The following GSE1 variants were observed in gnomAD, a reference collection of about 807,000 sequenced individuals.
The protein encoded by GSE1 is Gse1 coiled-coil protein, also known as genetic suppressor element 1.
A neutral mutation model predicts 112.6 loss-of-function variants in GSE1; 32 were observed. The ratio of observed to expected loss-of-function variants is 0.28; its 90% CI spans 0.21 to 0.38. GSE1 has a LOEUF of 0.38. Ranked by LOEUF, GSE1 falls within the 10% of genes least tolerant of loss-of-function variation. The probability of loss-of-function intolerance (pLI) is 1.00; values close to 1 mark genes in which losing one functional copy is unlikely to be tolerated. For missense variants in GSE1, 2,348 were observed against 1,699.2 expected, an observed-to-expected ratio of 1.38 and a Z score of -6.71; for synonymous variants, 1,115 against 735.6, an observed-to-expected ratio of 1.52 and a Z score of -8.35.
chr16:85,498,949 G>A (rs546012935), intron 2 of GSE1, among the ~76,000 whole-genome samples: 1 of 152,376 alleles, frequency 6.6e-6, no homozygotes, highest in African/African-American at 2.4e-5. Context: ...GAGAGAAGAT[G>A]CCAGCTCCAG....
At chr16:85,294,931 T>A (rs1030127347) in intron 1 of GSE1, among the ~76,000 whole-genome samples, 1 of 152,042 alleles carries the variant, frequency 6.6e-6, no homozygotes, top group Non-Finnish European at 1.5e-5. Context: ...TTTACATTTT[T>A]GCAGAGACGG....
intron 2 of GSE1, among the ~76,000 whole-genome samples, chr16:85,460,436 G>A (rs1003375816): frequency 2.0e-5 from 3 of 152,220 alleles, no homozygotes; most frequent in African/African-American, 7.2e-5. Context: ...GACGCTGGAC[G>A]ATTTGGCCTT....
intron 2 of GSE1, among the ~76,000 whole-genome samples, chr16:85,639,427 G>GA (rs2050261242): frequency 6.6e-6 from 1 of 152,204 alleles, no homozygotes; most frequent in South Asian, 2.1e-4. Context: ...AGACTGGGGG[G>GA]ATGGGTCCCA....
intron 1 of GSE1, among the ~76,000 whole-genome samples, chr16:85,621,580 G>A (rs2048746262): frequency 6.6e-6 from 1 of 152,194 alleles, no homozygotes; most frequent in South Asian, 2.1e-4. Flanking sequence ...TGTCACCTGG[G>A]CACAGGGAGG....
At chr16:85,191,654 C>T (rs994096858) in intron 1 of GSE1, among the ~76,000 whole-genome samples, 1 of 152,184 alleles carries the variant, frequency 6.6e-6, no homozygotes. Flanking sequence ...TCACTTCACG[C>T]CCCGGCATGA....
intron 2 of GSE1, among the ~76,000 whole-genome samples, chr16:85,531,620 C>G: frequency 6.6e-6 from 1 of 152,196 alleles, no homozygotes; most frequent in Non-Finnish European, 1.5e-5. Context: ...CCCCCTTCCG[C>G]CCTGCCCCGG....
chr16:85,302,776 T>TCTTGGC (rs1233481880), intron 1 of GSE1, among the ~76,000 whole-genome samples: 1 of 152,156 alleles, frequency 6.6e-6, no homozygotes, highest in African/African-American at 2.4e-5. Context: ...GGAGGTCAAT[T>TCTTGGC]CTTGGCCTTG....
intron 2 of GSE1, among the ~76,000 whole-genome samples, chr16:85,423,931 C>A (rs1179800856): frequency 1.3e-5 from 2 of 152,164 alleles, no homozygotes; most frequent in Non-Finnish European, 2.9e-5. Context: ...AGTACCTGCA[C>A]CCCACCTGAA....
intron 1 of GSE1, among the ~76,000 whole-genome samples, chr16:85,284,665 C>T (rs1002371072): frequency 6.6e-5 from 10 of 152,130 alleles, no homozygotes; most frequent in African/African-American, 1.7e-4. Context: ...CTGGGAGAGT[C>T]GTGGTCCACA....
intron 1 of GSE1, among the ~76,000 whole-genome samples, chr16:85,573,942 A>G (rs1215329462): frequency 6.6e-6 from 1 of 152,202 alleles, no homozygotes; most frequent in Non-Finnish European, 1.5e-5. Context: ...TTGTGTGGGA[A>G]TTTCAGGAGA....
chr16:85,173,122 A>G (rs2074391097), intron 1 of GSE1, among the ~76,000 whole-genome samples: 1 of 152,208 alleles, frequency 6.6e-6, no homozygotes, highest in Non-Finnish European at 1.5e-5. Flanking sequence ...GAAGAGCTGC[A>G]GTTCCCAAAA....
chr16:85,666,493 T>A, intron 13 of GSE1, 146 bp downstream of exon 13: 1 of 739,594 alleles, frequency 1.4e-6, no homozygotes. Context: ...TTCGTTATTA[T>A]GCCAAAACCA....
At chr16:85,249,234 C>T (rs1013681117) in intron 1 of GSE1, among the ~76,000 whole-genome samples, 1 of 152,250 alleles carries the variant, frequency 6.6e-6, no homozygotes, top group Non-Finnish European at 1.5e-5. Flanking sequence ...TATACCCAGC[C>T]AGCAGGAATG....
chr16:85,439,955 C>G (rs2049338387), intron 2 of GSE1, among the ~76,000 whole-genome samples: 2 of 152,260 alleles, frequency 1.3e-5, no homozygotes, highest in South Asian at 4.1e-4. Flanking sequence ...CTCAGGTACA[C>G]AGACACACAT....
intron 2 of GSE1, among the ~76,000 whole-genome samples, chr16:85,409,378 CT>C (rs1249438945): frequency 2.8e-4 from 10 of 36,282 alleles, no homozygotes; most frequent in African/African-American, 3.7e-4. Context: ...CTCAGGCCCC[CT>C]GGATAATCCT....
intron 1 of GSE1, among the ~76,000 whole-genome samples, chr16:85,322,572 C>G (rs1046049724): frequency 6.6e-6 from 1 of 151,340 alleles, no homozygotes; most frequent in African/African-American, 2.4e-5. Context: ...GTTCCCAGCC[C>G]TCTTGGGTGA....
chr16:85,384,354 A>G (rs370820830), intron 2 of GSE1, among the ~76,000 whole-genome samples: 8 of 152,186 alleles, frequency 5.3e-5, no homozygotes, highest in African/African-American at 1.9e-4. Context: ...AGATGGGCCA[A>G]GGGCTCCACT....
intron 1 of GSE1, among the ~76,000 whole-genome samples, chr16:85,629,028 G>A (rs188864770): frequency 8.7e-4 from 133 of 152,236 alleles, no homozygotes; most frequent in African/African-American, 2.9e-3. Flanking sequence ...GCACGCTCTC[G>A]CAAGATCTGG....
At chr16:85,413,378 G>A (rs2048628591) in intron 2 of GSE1, among the ~76,000 whole-genome samples, 1 of 152,166 alleles carries the variant, frequency 6.6e-6, no homozygotes, top group Admixed American at 6.5e-5. Context: ...GCTGCCTGAA[G>A]TTGGGGAGAT....
Sources: gnomAD v4.1 joint callset for allele counts (sites outside exome capture counted in the v4.1 genomes callset) on GRCh38, gnomAD v4.1.1 for gene constraint, MANE v1.5 for transcripts, NCBI Gene and HGNC (gene_info 2026-07-23, HGNC 2026-07-21) for gene names.